The following IL1RAPL2 variants were observed in gnomAD, a reference collection of about 807,000 sequenced individuals.
The protein encoded by IL1RAPL2 is X-linked interleukin-1 receptor accessory protein-like 2.
Under a neutral mutation model 44.1 loss-of-function variants are expected in IL1RAPL2, and 3 were observed. That is an observed-to-expected ratio of 0.07 (90% CI 0.03 to 0.18). The LOEUF is 0.18. IL1RAPL2 is among the 10% of genes least tolerant of loss of function. The probability of loss-of-function intolerance (pLI) is 1.00; values close to 1 mark genes in which losing one functional copy is unlikely to be tolerated. For synonymous variants in IL1RAPL2, 181 were observed against 178.8 expected, an observed-to-expected ratio of 1.01 and a Z score of -0.10; for missense variants, 391 against 496.4, an observed-to-expected ratio of 0.79 and a Z score of 2.02.
At chrX:105,596,236 G>GT (rs1264971765) in intron 6 of IL1RAPL2, among the ~76,000 whole-genome samples, 2 of 107,927 alleles carry the variant, frequency 1.9e-5, no homozygotes, top group South Asian at 3.9e-4. Context: ...GGTAATATTT[G>GT]TTTTTTTATT....
Position 104,972,589 on chromosome X carries a change from T to C in IL1RAPL2, c.83-222886T>C, listed in dbSNP as rs1408196936. On this transcript the variant is annotated intron_variant, in intron 2 of 10. Transcript: ENST00000372582. ...TTGATAAATCCAGCAACCATAAAGA[T>C]GATTCCCTGATGCTACAATTTTTGA... is the stretch of plus-strand genomic sequence containing the variant. 3.6e-5 allele frequency among the ~76,000 whole-genome samples: 4 copies of C among 111,858 alleles called. No individual in the cohort carries two copies. In the Admixed American group the frequency reaches 3.8e-4, roughly 11 times the overall value.
chrX:105,490,827 A>G (rs755669421), intron 6 of IL1RAPL2, among the ~76,000 whole-genome samples: 69 of 112,233 alleles, frequency 6.1e-4, no homozygotes, highest in Non-Finnish European at 9.6e-4. Context: ...ACAGATGTGC[A>G]TAAGTAGAAT....
At chrX:104,987,557 C>T (rs1602871917) in intron 2 of IL1RAPL2, among the ~76,000 whole-genome samples, 2 of 110,553 alleles carry the variant, frequency 1.8e-5, no homozygotes, top group Middle Eastern at 4.8e-3. Context: ...GGGGTTTTCT[C>T]GCTTTGTGTC....
intron 5 of IL1RAPL2, among the ~76,000 whole-genome samples, chrX:105,286,886 A>G (rs1021079642): frequency 1.8e-5 from 2 of 111,661 alleles, no homozygotes; most frequent in East Asian, 5.6e-4. Flanking sequence ...TAAAATCCCT[A>G]AAGGTAAAAA....
chrX:104,599,553 T>C (rs1183163610), intron 1 of IL1RAPL2, among the ~76,000 whole-genome samples: 1 of 110,058 alleles, frequency 9.1e-6, no homozygotes. Flanking sequence ...TGGTTGATTT[T>C]TTTTTAAAGA....
rs2147601779 is a variant in IL1RAPL2, at chrX:105,767,730, A to G, written c.*69A>G. 1.3e-6 allele frequency: 1 copy of G among 746,868 alleles called. No individual in the cohort carries two copies. The highest frequency in any genetic ancestry group is 2.8e-5 in the South Asian group (1 of 36,085). The allele number at this position is 746,868 out of a possible 1,213,427, so 61.6% of individuals were successfully genotyped here. The stretch of plus-strand genomic sequence containing the variant: ...ATTTCTGTTATACCAAGCATAAAGT[A>G]CACCTAATAACGTTGTGTTAAAAAA... On this transcript the variant is annotated 3_prime_UTR_variant, in exon 11 of 11. Coordinates refer to ENST00000372582, the MANE Select transcript of IL1RAPL2 (RefSeq NM_017416.2).
chrX:104,816,408 T>C (rs201024014), intron 2 of IL1RAPL2, among the ~76,000 whole-genome samples: 2 of 112,189 alleles, frequency 1.8e-5, no homozygotes, highest in East Asian at 5.6e-4. Context: ...TAATTGTACA[T>C]AGAGGAAGGC....
rs774570092 is a variant in IL1RAPL2, at chrX:104,632,931, G to C, written c.-19-25964G>C. ...CCTGTCTTGTGCCCGTTTTCAAAGG[G>C]AATGCTTCCAGTTTTTGCCCATTCG... On this transcript the variant is annotated intron_variant, in intron 1 of 10. Coordinates refer to ENST00000372582, the MANE Select transcript of IL1RAPL2 (RefSeq NM_017416.2). Among the ~76,000 whole-genome samples, 665 of 111,480 alleles carry C rather than the reference G, an allele frequency of 6.0e-3. 8 individuals carry two copies. Among genetic ancestry groups the C allele is most frequent in the African/African-American group, 0.021 (631 of 30,689 alleles).
chrX:104,752,974 G>T (rs1445110954), intron 2 of IL1RAPL2, among the ~76,000 whole-genome samples: 1 of 109,631 alleles, frequency 9.1e-6, no homozygotes, highest in East Asian at 2.9e-4. Flanking sequence ...TACATAAAAT[G>T]ATTTCCCACC....
At position 104,817,642 on chromosome X, in the gene IL1RAPL2, T is replaced by A. The variant is rs190078620; in HGVS notation, c.82+158647T>A. On this transcript the variant is annotated intron_variant, in intron 2 of 10. Coordinates refer to ENST00000372582, the MANE Select transcript of IL1RAPL2 (RefSeq NM_017416.2). ...TGGATTCAACCCCATGCTTTACCAT[T>A]TAGTAGATGTATGACTTCAGGCAAG... Among the ~76,000 whole-genome samples, 24 of 111,693 alleles carry A rather than the reference T, an allele frequency of 2.1e-4. 1 individual carries two copies. The highest frequency in any genetic ancestry group is 1.6e-3 in the Admixed American group (17 of 10,478).
At chrX:105,572,065 T>C (rs1315254514) in intron 6 of IL1RAPL2, among the ~76,000 whole-genome samples, 1 of 111,709 alleles carries the variant, frequency 9.0e-6, no homozygotes, top group Admixed American at 9.5e-5. Context: ...AATATGTCCA[T>C]TTTCACTTAT....
chrX:105,684,449 T>G (rs2037952017), intron 6 of IL1RAPL2, among the ~76,000 whole-genome samples: 1 of 112,475 alleles, frequency 8.9e-6, no homozygotes, highest in African/African-American at 3.2e-5. Context: ...AGTCTGAGTT[T>G]GAACTACGAG....
At chrX:105,320,000 A>ATGTGTG (rs746876174) in intron 5 of IL1RAPL2, among the ~76,000 whole-genome samples, 2 of 109,691 alleles carry the variant, frequency 1.8e-5, no homozygotes, top group African/African-American at 6.6e-5. Flanking sequence ...GTGTGTGTAT[A>ATGTGTG]TGTGTGTGTG....
intron 6 of IL1RAPL2, among the ~76,000 whole-genome samples, chrX:105,626,816 A>G (rs2037456416): frequency 9.0e-6 from 1 of 111,458 alleles, no homozygotes; most frequent in Non-Finnish European, 1.9e-5. Flanking sequence ...ATTATTTTCT[A>G]CCTTTCCTTA....
At chrX:105,536,442 G>GA (rs1295954181) in intron 6 of IL1RAPL2, among the ~76,000 whole-genome samples, 3 of 96,140 alleles carry the variant, frequency 3.1e-5, no homozygotes, top group Non-Finnish European at 6.5e-5. Flanking sequence ...AAAAAAAAAG[G>GA]AAAAAACCTA....
chrX:104,837,430 T>C (rs372071029), intron 2 of IL1RAPL2, among the ~76,000 whole-genome samples: 4 of 111,128 alleles, frequency 3.6e-5, no homozygotes, highest in African/African-American at 1.3e-4. Flanking sequence ...CTGACTGGGG[T>C]GAGATGGTAT....
chrX:105,358,360 C>CTTT (rs398069281), intron 5 of IL1RAPL2, among the ~76,000 whole-genome samples: 1 of 87,990 alleles, frequency 1.1e-5, no homozygotes, highest in Non-Finnish European at 2.3e-5. Flanking sequence ...AAAGTTCAGT[C>CTTT]TTTTTTTTTT....
intron 4 of IL1RAPL2, among the ~76,000 whole-genome samples, chrX:105,250,337 A>G (rs185680994): frequency 2.7e-5 from 3 of 111,480 alleles, no homozygotes; most frequent in African/African-American, 6.5e-5. Context: ...GTCAAAACCA[A>G]TTGGACTGTA....
At chrX:105,242,409 G>A (rs782506809) in intron 4 of IL1RAPL2, among the ~76,000 whole-genome samples, 4 of 111,488 alleles carry the variant, frequency 3.6e-5, no homozygotes, top group South Asian at 3.7e-4. Context: ...GAGCTTTTTC[G>A]TATAAACATC....
Sources: allele counts gnomAD v4.1 joint callset (sites outside exome capture counted in the v4.1 genomes callset), GRCh38; gene constraint gnomAD v4.1.1; transcripts MANE v1.5; gene names NCBI Gene and HGNC (gene_info 2026-07-23, HGNC 2026-07-21).